The following C1orf94 variants were observed in gnomAD, a reference collection of about 807,000 sequenced individuals.
The protein encoded by C1orf94 is chromosome 1 open reading frame 94.
In C1orf94, 45 loss-of-function variants were observed where a neutral mutation model predicts 53.6. The ratio of observed to expected loss-of-function variants is 0.84; its 90% confidence interval spans 0.66 to 1.08. The LOEUF (loss-of-function observed/expected upper bound fraction) is 1.08. C1orf94 is among the 50% of genes least tolerant of loss of function. The probability of loss-of-function intolerance (pLI) is 0.00; values close to 1 mark genes in which losing one functional copy is unlikely to be tolerated. For synonymous variants in C1orf94, 304 were observed against 296.1 expected, an observed-to-expected ratio of 1.03 and a Z score of -0.27; for missense variants, 762 against 738.9, an observed-to-expected ratio of 1.03 and a Z score of -0.36.
At chr1:34,212,572 T>A (rs954650209) in intron 6 of C1orf94, among the ~76,000 whole-genome samples, 166 bp downstream of exon 6, 2 of 152,172 alleles carry the variant, frequency 1.3e-5, no homozygotes, top group Non-Finnish European at 2.9e-5. Flanking sequence ...TGGAGGGACC[T>A]GGTGCAGAGA....
At chr1:34,192,829 A>C (rs1300601380) in intron 1 of C1orf94, among the ~76,000 whole-genome samples, 1 of 152,170 alleles carries the variant, frequency 6.6e-6, no homozygotes, top group Non-Finnish European at 1.5e-5. Context: ...TAGGAAGTGC[A>C]AAGGCCCTCG....
chr1:34,197,949 C>T lies in C1orf94; in HGVS notation c.1009+36C>T. 6.4e-7 allele frequency: 1 copy of T among 1,562,784 alleles called. No homozygotes were observed. The highest frequency in any genetic ancestry group is 8.7e-7 in the Non-Finnish European group (1 of 1,153,168). ...TTGGAACTGGGGTAGAGTGGGCCTG[C>T]AAGGAGGAGGTCCTTCCCAGGAAGC... On this transcript the variant is annotated intron_variant, in intron 2 of 6. Transcript: ENST00000488417. This position sits in a 1 kb window ranked among gnomAD's most constrained non-coding sequence, Gnocchi z 4.1.
At chr1:34,191,203 TG>T (rs1362764084) in intron 1 of C1orf94, among the ~76,000 whole-genome samples, 1 of 152,154 alleles carries the variant, frequency 6.6e-6, no homozygotes, top group African/African-American at 2.4e-5. Flanking sequence ...TGTGATAAAA[TG>T]GGGGCCATTA....
chr1:34,167,346 T>G (rs1223364519), intron 1 of C1orf94, among the ~76,000 whole-genome samples: 1 of 152,148 alleles, frequency 6.6e-6, no homozygotes, highest in African/African-American at 2.4e-5. Context: ...GAAGAGAGTC[T>G]GGGCTGCTCT....
At chr1:34,189,848 G>A (rs771975830) in intron 1 of C1orf94, among the ~76,000 whole-genome samples, 1 of 152,246 alleles carries the variant, frequency 6.6e-6, no homozygotes, top group Non-Finnish European at 1.5e-5. Context: ...GCCTGAAACT[G>A]AGGCTCAGAG....
At chr1:34,204,045 A>G (rs765945554) in intron 4 of C1orf94, among the ~76,000 whole-genome samples, 8 of 152,220 alleles carry the variant, frequency 5.3e-5, no homozygotes, top group Non-Finnish European at 1.0e-4. Flanking sequence ...GGACCTTGGC[A>G]ATTTGCTGCC....
At chr1:34,189,761 C>T (rs567481524) in intron 1 of C1orf94, among the ~76,000 whole-genome samples, 1 of 152,220 alleles carries the variant, frequency 6.6e-6, no homozygotes, top group South Asian at 2.1e-4. Context: ...CCATGCTGGA[C>T]AGCTGCCTGT....
At chr1:34,192,073 G>T (rs904199525) in intron 1 of C1orf94, among the ~76,000 whole-genome samples, 2 of 152,144 alleles carry the variant, frequency 1.3e-5, no homozygotes, top group African/African-American at 4.8e-5. Flanking sequence ...TGAATGATTC[G>T]CTGTGATAGA....
intron 6 of C1orf94, among the ~76,000 whole-genome samples, chr1:34,213,512 A>T (rs1223298257): frequency 6.6e-6 from 1 of 152,086 alleles, no homozygotes. Flanking sequence ...TTTAAACATG[A>T]AATCCACACC....
chr1:34,208,801 G>A (rs1557489205), intron 5 of C1orf94, among the ~76,000 whole-genome samples: 2 of 152,128 alleles, frequency 1.3e-5, no homozygotes, highest in Non-Finnish European at 2.9e-5. Flanking sequence ...GCCCAACAGG[G>A]CAAGCAGAAA....
In C1orf94 at chr1:34,208,225, C is replaced by G; in HGVS notation, c.1515C>G (p.Tyr505Ter). 1 of 1,613,914 alleles carries G rather than the reference C, an allele frequency of 6.2e-7. No individual in the cohort carries two copies. Among genetic ancestry groups the G allele is most frequent in the Non-Finnish European group, 8.5e-7 (1 of 1,179,948 alleles). Residue 505 changes from tyrosine to a stop codon, truncating the protein, a stop_gained, in exon 5 of 7, where the codon TAC becomes TAG. Coordinates refer to ENST00000488417, the MANE Select transcript of C1orf94 (RefSeq NM_001134734.2). LOFTEE classifies it high-confidence loss of function. ...QQALHPQLGC[Y>*]SQQVMPYNPQ... The stretch of plus-strand genomic sequence containing the variant: ...CTTTGCACCCGCAGCTGGGATGTTA[C>G]TCCCAACAGGTGAGTAGACGATCTC...
intron 6 of C1orf94, among the ~76,000 whole-genome samples, chr1:34,217,260 T>C (rs1643004472): frequency 6.6e-6 from 1 of 152,146 alleles, no homozygotes; most frequent in African/African-American, 2.4e-5. Flanking sequence ...CTAGCGTACA[T>C]ACTGTCTAGA....
chr1:34,215,508 T>C (rs1642970475), intron 6 of C1orf94, among the ~76,000 whole-genome samples: 1 of 152,016 alleles, frequency 6.6e-6, no homozygotes, highest in Non-Finnish European at 1.5e-5. Context: ...TAGAGCTTTA[T>C]AGTTGAGCAA....
In C1orf94 at chr1:34,189,145, ATGTGTGTGCATGGC is replaced by A. The variant is rs563008590; in HGVS notation, c.321-8072_321-8059del. Among the ~76,000 whole-genome samples the A allele has an allele frequency of 2.2e-4, 32 of 147,600 alleles. No individual in the cohort carries two copies. The South Asian group carries it at 4.3e-3, about 20-fold the overall frequency. ...ATGTGTGCAGGATGTGTGTGTATGGATGTGTGTGCATGGCTGTGTGTACATGTGTATGTATGTGT... is the reference window on the plus strand; with the variant it reads ...ATGTGTGCAGGATGTGTGTGTATGGATGTGTGTACATGTGTATGTATGTGT... On this transcript the variant is annotated intron_variant, in intron 1 of 6. Coordinates refer to ENST00000488417, the MANE Select transcript of C1orf94 (RefSeq NM_001134734.2).
intron 1 of C1orf94, among the ~76,000 whole-genome samples, chr1:34,180,734 C>G (rs1047767197): frequency 1.3e-5 from 2 of 152,196 alleles, no homozygotes; most frequent in Non-Finnish European, 2.9e-5. Flanking sequence ...CCTTCAGGTG[C>G]ACAAGATATC....
chr1:34,205,282 T>C (rs938589196), intron 4 of C1orf94, among the ~76,000 whole-genome samples: 1 of 152,166 alleles, frequency 6.6e-6, no homozygotes, highest in African/African-American at 2.4e-5. Flanking sequence ...CCAGCTGAAG[T>C]TGGCTGTGGA....
At chr1:34,192,404 T>C (rs909656738) in intron 1 of C1orf94, among the ~76,000 whole-genome samples, 3 of 152,116 alleles carry the variant, frequency 2.0e-5, no homozygotes, top group African/African-American at 4.8e-5. Flanking sequence ...AGGCCAGAGA[T>C]GGGATGTGAG....
intron 1 of C1orf94, among the ~76,000 whole-genome samples, chr1:34,182,692 C>T (rs755860173): frequency 6.6e-6 from 1 of 152,182 alleles, no homozygotes; most frequent in Non-Finnish European, 1.5e-5. Context: ...GCTTCACGCA[C>T]GAGTTCACTT....
chr1:34,174,090 T>C (rs937285370), upstream of C1orf94, among the ~76,000 whole-genome samples: 1 of 152,268 alleles, frequency 6.6e-6, no homozygotes, highest in Non-Finnish European at 1.5e-5. Context: ...CCCTGTGTCT[T>C]TCACAATTTT....
Sources: allele counts gnomAD v4.1 joint callset (sites outside exome capture counted in the v4.1 genomes callset), GRCh38; gene constraint gnomAD v4.1.1; non-coding constraint Gnocchi (gnomAD v3.1); transcripts MANE v1.5; gene names NCBI Gene and HGNC (gene_info 2026-07-23, HGNC 2026-07-21).